The following TMEM132D variants were observed in gnomAD, a reference collection of about 807,000 sequenced individuals.
The protein encoded by TMEM132D is transmembrane protein 132D, also known as mature OL transmembrane protein.
In TMEM132D, 21 loss-of-function variants were observed where a neutral mutation model predicts 62.3. That is an observed-to-expected ratio of 0.34 (90% CI 0.24 to 0.49). The LOEUF is 0.49. Ranked by LOEUF, TMEM132D falls within the 20% of genes least tolerant of loss-of-function variation. The pLI is 0.99. For synonymous variants in TMEM132D, 621 were observed against 575.6 expected (o/e 1.08, Z -1.13); for missense variants, 1,346 against 1,402.8 (o/e 0.96, Z 0.65).
At chr12:129,244,121 G>C (rs143614879) in intron 4 of TMEM132D, among the ~76,000 whole-genome samples, 3,547 of 152,208 alleles carry the variant, frequency 0.023, 59 homozygotes, top group Non-Finnish European at 0.035. Context: ...TGCGGTGGCT[G>C]ACGCCTGTAA....
At chr12:129,312,209 C>A (rs10847831) in intron 4 of TMEM132D, among the ~76,000 whole-genome samples, 32,270 of 152,030 alleles carry the variant, frequency 0.21, 4,298 homozygotes, top group East Asian at 0.41. Context: ...AAGCAGACAG[C>A]TGCGTTTAAC....
chr12:129,285,587 C>T (rs925790955), intron 4 of TMEM132D, among the ~76,000 whole-genome samples: 2 of 149,922 alleles, frequency 1.3e-5, no homozygotes, highest in Non-Finnish European at 3.0e-5. Flanking sequence ...ATGGGATAAC[C>T]ACTTCCAGAC....
rs569728062 is a variant in TMEM132D at position 129,564,613 on chromosome 12, G to A, written c.969-33408C>T. Reference sequence around the variant, plus strand: ...TCCCTCGGCCACTCTCAAGCCATGTGGATTGGCTGGAAATGACCCTACTCT... The same window carrying A: ...TCCCTCGGCCACTCTCAAGCCATGTAGATTGGCTGGAAATGACCCTACTCT... On this transcript the variant is annotated intron_variant, in intron 2 of 8. Transcript: ENST00000422113. 1.0e-3 allele frequency among the ~76,000 whole-genome samples: 159 copies of A among 152,250 alleles called. 1 individual carries two copies. Among genetic ancestry groups the A allele is most frequent in the African/African-American group, 3.5e-3 (147 of 41,552 alleles).
intron 1 of TMEM132D, among the ~76,000 whole-genome samples, chr12:129,831,888 T>TTTTA (rs1872847966): frequency 6.7e-6 from 1 of 150,320 alleles, no homozygotes; most frequent in Non-Finnish European, 1.5e-5. Flanking sequence ...TTTTTTTTTT[T>TTTTA]GAGACTGAGT....
intron 4 of TMEM132D, among the ~76,000 whole-genome samples, chr12:129,258,143 C>A (rs973565646): frequency 6.6e-6 from 1 of 152,168 alleles, no homozygotes; most frequent in Non-Finnish European, 1.5e-5. Context: ...GCTGGCTGAT[C>A]TTGGGCAAGT....
chr12:129,090,631 G>A (rs1378467101), intron 5 of TMEM132D, among the ~76,000 whole-genome samples: 1 of 151,886 alleles, frequency 6.6e-6, no homozygotes, highest in Non-Finnish European at 1.5e-5. Flanking sequence ...TTGTGCCACT[G>A]CACTCCAGCC....
In TMEM132D at chr12:129,794,363, G is replaced by A. The variant is rs145719278; in HGVS notation, c.80-93665C>T. On this transcript the variant is annotated intron_variant, in intron 1 of 8. Coordinates refer to ENST00000422113, the MANE Select transcript of TMEM132D (RefSeq NM_133448.3). Reference sequence around the variant, plus strand: ...GTGATCAACCCACCTCGGCCTCCCAGAATGCTGGAATGACAGGAGTGAGCC... The same window carrying A: ...GTGATCAACCCACCTCGGCCTCCCAAAATGCTGGAATGACAGGAGTGAGCC... Among the ~76,000 whole-genome samples, 3 of 149,292 alleles carry A rather than the reference G, an allele frequency of 2.0e-5. No homozygotes were observed. The Admixed American group carries it at 2.1e-4, about 10-fold the overall frequency.
intron 1 of TMEM132D, among the ~76,000 whole-genome samples, chr12:129,863,163 T>C (rs1304850980): frequency 6.6e-6 from 1 of 152,160 alleles, no homozygotes; most frequent in Non-Finnish European, 1.5e-5. Context: ...TGGGCAAAAG[T>C]ATAAATTACA....
At chr12:129,353,659 C>T (rs1387525036) in intron 3 of TMEM132D, among the ~76,000 whole-genome samples, 4 of 152,142 alleles carry the variant, frequency 2.6e-5, no homozygotes, top group African/African-American at 9.7e-5. Flanking sequence ...ACTTGTGAAC[C>T]TGGAAGCATT....
rs369965074 is a variant in TMEM132D, at chr12:129,493,131, TTCTC to T, written c.1115+37924_1115+37927del. Among the ~76,000 whole-genome samples the T allele has an allele frequency of 3.5e-3, 526 of 152,256 alleles. 4 individuals are homozygous for T. The highest frequency in any genetic ancestry group is 0.011 in the African/African-American group (474 of 41,538). On this transcript the variant is annotated intron_variant, in intron 3 of 8. Transcript: ENST00000422113. ...GTTTCCAGGTTCTTGAACCAATAAA[TTCTC>T]TCTCTCTTTAACTTCATGTCTCTCT...
intron 4 of TMEM132D, among the ~76,000 whole-genome samples, chr12:129,274,426 G>C (rs1273303323): frequency 6.6e-6 from 1 of 152,192 alleles, no homozygotes; most frequent in Non-Finnish European, 1.5e-5. Context: ...CCATGGTTCT[G>C]AGTCTTTTAC....
Position 129,145,454 on chromosome 12 carries a change from C to T in TMEM132D, c.1444-60752G>A, listed in dbSNP as rs7135353. ...CAGGTGCATTTGCTAGGAGAGGCCA[C>T]GGACTTCTGTCAGATGTGAAGAACT... On this transcript the variant is annotated intron_variant, in intron 5 of 8. Transcript: ENST00000422113. Among the ~76,000 whole-genome samples, 331 of 152,210 alleles carry T rather than the reference C, an allele frequency of 2.2e-3. 2 individuals are homozygous for T. The highest frequency in any genetic ancestry group is 3.7e-3 in the Non-Finnish European group (255 of 68,014).
At position 129,415,766 on chromosome 12, in the gene TMEM132D, C is replaced by A. The variant is rs1443062988; in HGVS notation, c.1116-77949G>T. ...AGGATGGCAGGGAGGGCAAACAATG[C>A]CCATCCTTAAGGACCATCCACACAG... On this transcript the variant is annotated intron_variant, in intron 3 of 8. Coordinates refer to ENST00000422113, the MANE Select transcript of TMEM132D (RefSeq NM_133448.3). Among the ~76,000 whole-genome samples, 7 of 152,200 alleles carry A rather than the reference C, an allele frequency of 4.6e-5. No homozygotes were observed. In the East Asian group the frequency reaches 1.3e-3, roughly 29 times the overall value.
intron 3 of TMEM132D, among the ~76,000 whole-genome samples, chr12:129,469,433 G>A (rs1436507440): frequency 1.3e-5 from 2 of 152,094 alleles, no homozygotes; most frequent in South Asian, 2.1e-4. Flanking sequence ...CTGGAGGGGG[G>A]GCCAGCCATC....
intron 2 of TMEM132D, among the ~76,000 whole-genome samples, chr12:129,605,721 C>T (rs956738065): frequency 1.3e-5 from 2 of 150,728 alleles, no homozygotes; most frequent in Non-Finnish European, 2.9e-5. Context: ...CATGTGGAAA[C>T]CTTGACAGTC....
intron 3 of TMEM132D, among the ~76,000 whole-genome samples, chr12:129,516,643 T>C (rs1171221603): frequency 6.6e-6 from 1 of 152,172 alleles, no homozygotes; most frequent in Non-Finnish European, 1.5e-5. Flanking sequence ...CATGTGGGAA[T>C]TATGGGAGCT....
At chr12:129,468,396 C>T (rs1005495137) in intron 3 of TMEM132D, among the ~76,000 whole-genome samples, 1 of 152,170 alleles carries the variant, frequency 6.6e-6, no homozygotes, top group Non-Finnish European at 1.5e-5. Flanking sequence ...CCCTGACAGA[C>T]ACCTATTAGC....
intron 2 of TMEM132D, among the ~76,000 whole-genome samples, chr12:129,662,812 A>ATG: frequency 1.2e-5 from 1 of 83,416 alleles, no homozygotes; most frequent in African/African-American, 5.1e-5. Context: ...AAAAAAAAAA[A>ATG]AGAGAGAGAG....
In TMEM132D at chr12:129,700,375, G is replaced by T. The variant is rs138159153; in HGVS notation, c.403C>A (p.Arg135=). The T allele has an allele frequency of 6.2e-7, 1 of 1,614,048 alleles. No homozygotes were observed. The highest frequency in any genetic ancestry group is 8.5e-7 in the Non-Finnish European group (1 of 1,180,050). ...GGCCGGCTCAGGTAGACTTTGTCCC[G>T]CAGGATGTGGGCTTTTAGTTTCCAG... ...LNWKLKAHIL[R]DKVYLSRPKV... Residue 135 remains arginine (R), a synonymous_variant, in exon 2 of 9, where the codon CGG becomes AGG. Transcript: ENST00000422113.
Sources: gnomAD v4.1 joint callset for allele counts (sites outside exome capture counted in the v4.1 genomes callset) on GRCh38, gnomAD v4.1.1 for gene constraint, MANE v1.5 for transcripts, NCBI Gene and HGNC (gene_info 2026-07-23, HGNC 2026-07-21) for gene names.